The following MAN1A1 variants were observed in gnomAD, a reference collection of about 807,000 sequenced individuals.
MAN1A1 encodes mannosidase alpha class 1A member 1.
Under a neutral mutation model 70.8 loss-of-function variants are expected in MAN1A1, and 29 were observed. That is an observed-to-expected ratio of 0.41 (90% CI 0.31 to 0.56). The LOEUF (loss-of-function observed/expected upper bound fraction) is 0.56. MAN1A1 is among the 20% of genes least tolerant of loss of function. The pLI is 0.29. For missense variants in MAN1A1, 747 were observed against 841.3 expected, an observed-to-expected ratio of 0.89 and a Z score of 1.39; for synonymous variants, 349 against 330.1, an observed-to-expected ratio of 1.06 and a Z score of -0.62.
Position 119,189,826 on chromosome 6 carries a change from A to C in MAN1A1, c.1384T>G (p.Trp462Gly), listed in dbSNP as rs1464662103. 3 of 1,613,736 alleles carry C rather than the reference A, an allele frequency of 1.9e-6. No individual in the cohort carries two copies. Among genetic ancestry groups the C allele is most frequent in the African/African-American group, 1.3e-5 (1 of 74,810 alleles). Residue 462 changes from tryptophan to glycine, a missense_variant, in exon 10 of 13, where the codon TGG becomes GGG. Trp to Gly is a radical substitution (Grantham distance 184). Around this residue, in one of 2 missense-constraint regions of MAN1A1, gnomAD observed 419 missense variants for 548.2 expected, o/e 0.76. Coordinates refer to ENST00000368468, the MANE Select transcript of MAN1A1 (RefSeq NM_005907.4). ...SSSGLTYIAE[W>G]KGGLLEHKMG... ...TTGTGCTCCAGGAGGCCCCCTTTCC[A>C]CTCTGCGATATAAGTTAGTCCGCTG...
At chr6:119,341,918 C>T (rs1773603605) in intron 2 of MAN1A1, among the ~76,000 whole-genome samples, 2 of 152,074 alleles carry the variant, frequency 1.3e-5, no homozygotes, top group African/African-American at 4.8e-5. Context: ...GACTTTGAAA[C>T]CAGCCCGGGA....
intron 2 of MAN1A1, among the ~76,000 whole-genome samples, chr6:119,336,408 GCATGTTGAAGTCTGAAT>G (rs572887570): frequency 1.1e-3 from 166 of 152,246 alleles, no homozygotes; most frequent in African/African-American, 3.7e-3. Flanking sequence ...TGATTCTGAT[GCATGTTGAAGTCTGAAT>G]CATTACTTTA....
chr6:119,338,664 T>C (rs1297015296), intron 2 of MAN1A1, among the ~76,000 whole-genome samples: 1 of 152,224 alleles, frequency 6.6e-6, no homozygotes, highest in African/African-American at 2.4e-5. Flanking sequence ...GAAAGATCCT[T>C]CCGCAGATCT....
intron 6 of MAN1A1, among the ~76,000 whole-genome samples, chr6:119,246,216 A>G (rs1423836008): frequency 6.6e-6 from 1 of 152,166 alleles, no homozygotes; most frequent in African/African-American, 2.4e-5. Context: ...CCTCTATTAG[A>G]TTTAGTAGGC....
chr6:119,253,067 T>G (rs529572661), intron 5 of MAN1A1, among the ~76,000 whole-genome samples: 2 of 152,284 alleles, frequency 1.3e-5, no homozygotes, highest in East Asian at 1.9e-4. Flanking sequence ...TTGAAGTGTC[T>G]TCTTCTCTTA....
chr6:119,234,963 G>C (rs959410175), intron 6 of MAN1A1, among the ~76,000 whole-genome samples: 1 of 152,062 alleles, frequency 6.6e-6, no homozygotes. Flanking sequence ...ATCTGTTATG[G>C]TGATCTGTGA....
intron 7 of MAN1A1, among the ~76,000 whole-genome samples, chr6:119,203,349 G>A (rs1453285259): frequency 6.6e-6 from 1 of 151,714 alleles, no homozygotes; most frequent in Non-Finnish European, 1.5e-5. Flanking sequence ...ACTCGGAACA[G>A]AGAGAGGAGC....
chr6:119,302,940 C>T (rs1209687212), intron 3 of MAN1A1, among the ~76,000 whole-genome samples: 2 of 152,202 alleles, frequency 1.3e-5, no homozygotes, highest in Non-Finnish European at 2.9e-5. Context: ...ATTCCAATGA[C>T]ATGGAGACTT....
chr6:119,273,740 A>G (rs1277501711), intron 5 of MAN1A1, among the ~76,000 whole-genome samples: 1 of 152,146 alleles, frequency 6.6e-6, no homozygotes, highest in Non-Finnish European at 1.5e-5. Context: ...CCTGAGAGTA[A>G]ATTTTTGCCC....
At chr6:119,204,156 T>C (rs947676237) in intron 7 of MAN1A1, among the ~76,000 whole-genome samples, 3 of 151,854 alleles carry the variant, frequency 2.0e-5, no homozygotes, top group Non-Finnish European at 4.4e-5. Flanking sequence ...AAGGGGAGAA[T>C]GGTAAGTGGC....
chr6:119,339,325 G>A (rs992302049), intron 2 of MAN1A1, among the ~76,000 whole-genome samples: 1 of 152,062 alleles, frequency 6.6e-6, no homozygotes, highest in African/African-American at 2.4e-5. Context: ...CAAATTTACT[G>A]GACAAAGCTG....
intron 5 of MAN1A1, among the ~76,000 whole-genome samples, chr6:119,279,144 C>T (rs1254240287): frequency 6.6e-6 from 1 of 152,098 alleles, no homozygotes; most frequent in African/African-American, 2.4e-5. Context: ...TTAATTCATA[C>T]ATCCCACCAT....
At chr6:119,207,824 AG>A (rs1376039881) in intron 6 of MAN1A1, among the ~76,000 whole-genome samples, 2 of 152,076 alleles carry the variant, frequency 1.3e-5, no homozygotes, top group East Asian at 3.9e-4. Context: ...TCTGGTGGAG[AG>A]GGGGTCACAG....
intron 4 of MAN1A1, among the ~76,000 whole-genome samples, chr6:119,294,194 T>C (rs1244111115): frequency 2.0e-5 from 3 of 152,166 alleles, no homozygotes; most frequent in Non-Finnish European, 4.4e-5. Flanking sequence ...GGGCTTGATA[T>C]ATTTTGTATG....
rs374162696 is a variant in MAN1A1 at position 119,256,924 on chromosome 6, G to C, written c.898-8570C>G. Among the ~76,000 whole-genome samples the C allele has an allele frequency of 1.1e-4, 16 of 152,266 alleles. No individual in the cohort carries two copies. The East Asian group carries it at 1.4e-3, about 13-fold the overall frequency. On this transcript the variant is annotated intron_variant, in intron 5 of 12. Coordinates refer to ENST00000368468, the MANE Select transcript of MAN1A1 (RefSeq NM_005907.4). ...CTGATCTCAAGAAGCTTACAACCAGGAAGGTAAGTCAGCCATATAAAACCA... is the reference window on the plus strand; with the variant it reads ...CTGATCTCAAGAAGCTTACAACCAGCAAGGTAAGTCAGCCATATAAAACCA...
chr6:119,178,770 T>C lies in MAN1A1; in HGVS notation c.*1049A>G, dbSNP rs1773070993. ...AAAATTGGCAAAGCTTCTTTCAGAG[T>C]CAAATCCTGCTTTCACAAACTGAAA... On this transcript the variant is annotated 3_prime_UTR_variant, in exon 13 of 13. Coordinates refer to ENST00000368468, the MANE Select transcript of MAN1A1 (RefSeq NM_005907.4). 1 of 152,106 alleles carries C rather than the reference T, an allele frequency of 6.6e-6. No homozygotes were observed. Among genetic ancestry groups the C allele is most frequent in the African/African-American group, 2.4e-5 (1 of 41,442 alleles). The allele number at this position is 152,106 out of a possible 1,614,324, so 9.4% of individuals were successfully genotyped here.
chr6:119,332,437 G>C (rs1220929160), intron 2 of MAN1A1, among the ~76,000 whole-genome samples: 1 of 152,160 alleles, frequency 6.6e-6, no homozygotes, highest in Non-Finnish European at 1.5e-5. Flanking sequence ...TTTAAACCTA[G>C]AGAAAAAGAG....
chr6:119,224,385 C>T (rs188323912), intron 6 of MAN1A1, among the ~76,000 whole-genome samples: 2 of 152,266 alleles, frequency 1.3e-5, no homozygotes, highest in East Asian at 3.9e-4. Flanking sequence ...TTGCCAAAAT[C>T]CTTGACTGAA....
intron 4 of MAN1A1, among the ~76,000 whole-genome samples, chr6:119,293,101 T>C (rs1772093627): frequency 6.6e-6 from 1 of 152,078 alleles, no homozygotes; most frequent in Non-Finnish European, 1.5e-5. Flanking sequence ...GATCTTATAT[T>C]CTTATTCTGG....
Sources: allele counts gnomAD v4.1 joint callset (sites outside exome capture counted in the v4.1 genomes callset), GRCh38; gene constraint gnomAD v4.1.1; regional missense constraint gnomAD v4.1.1; transcripts MANE v1.5; gene names NCBI Gene and HGNC (gene_info 2026-07-23, HGNC 2026-07-21).